The following H3C4 variants were observed in gnomAD, a reference collection of about 807,000 sequenced individuals.
H3C4 encodes the protein histone H3.1.
A neutral mutation model predicts 8.7 loss-of-function variants in H3C4; 10 were observed. The observed-to-expected ratio is 1.15, with a 90% CI of 0.71 to 1.96. The LOEUF (loss-of-function observed/expected upper bound fraction) is 1.96. Among genes scored for constraint, H3C4 ranks in the 30% most tolerant of loss-of-function variants. H3C4 has a pLI of 0.00. For missense variants in H3C4, 216 were observed against 192.9 expected (o/e 1.12, Z -0.71); for synonymous variants, 141 against 80.1 (o/e 1.76, Z -4.06).
chr6:26,199,003 G>A (rs775168348), upstream of H3C4: 12 of 1,614,162 alleles, frequency 7.4e-6, no homozygotes, highest in Non-Finnish European at 9.3e-6. Context: ...AGGTGTCGGG[G>A]GATGATGCGG....
At chr6:26,199,107 G>T (rs754630329), upstream of H3C4, 35 of 1,614,058 alleles carry the variant, frequency 2.2e-5, no homozygotes, top group Non-Finnish European at 3.0e-5. Flanking sequence ...TGGCGCGCCG[G>T]CCCCGACTCG....
upstream of H3C4, chr6:26,198,888 T>A: frequency 6.2e-7 from 1 of 1,614,246 alleles, no homozygotes; most frequent in Non-Finnish European, 8.5e-7. Flanking sequence ...CTCAGTCTTC[T>A]TGGGGAGCAG....
chr6:26,198,226 A>G (rs1765026705), upstream of H3C4, among the ~76,000 whole-genome samples: 1 of 152,232 alleles, frequency 6.6e-6, no homozygotes, highest in Non-Finnish European at 1.5e-5. Flanking sequence ...TCTCTCCTGT[A>G]TGTCTCAGGC....
At chr6:26,198,631 C>G (rs1189522823), upstream of H3C4, among the ~76,000 whole-genome samples, 1 of 152,176 alleles carries the variant, frequency 6.6e-6, no homozygotes, top group Non-Finnish European at 1.5e-5. Flanking sequence ...CGCGCCCCGC[C>G]AATTTGCTTA....
chr6:26,196,811 T>C lies in H3C4; in HGVS notation c.*29A>G. 1 of 1,611,910 alleles carries C rather than the reference T, an allele frequency of 6.2e-7. No homozygotes were observed. Among genetic ancestry groups the C allele is most frequent in the Non-Finnish European group, 8.5e-7 (1 of 1,179,190 alleles). On this transcript the variant is annotated 3_prime_UTR_variant, in exon 1 of 1. Transcript: ENST00000356476. The stretch of plus-strand genomic sequence containing the variant: ...GTTGGCTCTGAAAAGAGCCTTTGGG[T>C]TTTGGTTAGCACACATTCACAAGAC...
chr6:26,199,009 T>C (rs1409042178), upstream of H3C4: 3 of 1,614,164 alleles, frequency 1.9e-6, no homozygotes, highest in African/African-American at 1.3e-5. Context: ...CGGGGGATGA[T>C]GCGGGTCTTC....
chr6:26,196,993 C>G lies in H3C4; in HGVS notation c.258G>C (p.Gln86His). 1 of 1,614,234 alleles carries G rather than the reference C, an allele frequency of 6.2e-7. No individual in the cohort carries two copies. The highest frequency in any genetic ancestry group is 8.5e-7 in the Non-Finnish European group (1 of 1,180,034). The change falls in exon 1 of 1, where the codon CAG becomes CAC. Residue 86 changes from glutamine to histidine, a missense_variant. Gln to His is a conservative substitution (Grantham distance 24). Coordinates refer to ENST00000356476, the MANE Select transcript of H3C4 (RefSeq NM_001376937.1). ...CCTGCAGCGCCATCACCGCCGAGCT[C>G]TGAAAACGCAGATCAGTCTTGAAGT... ...AQDFKTDLRF[Q>H]SSAVMALQEA... is the part of the protein sequence containing the mutation.
upstream of H3C4, chr6:26,199,241 C>T (rs760518474): frequency 6.3e-7 from 1 of 1,593,242 alleles, no homozygotes; most frequent in Non-Finnish European, 8.5e-7. Context: ...CGCGTCCGGA[C>T]ATTTTGAATT....
At chr6:26,199,107 G>A (rs754630329), upstream of H3C4, 1 of 1,614,176 alleles carries the variant, frequency 6.2e-7, no homozygotes, top group Non-Finnish European at 8.5e-7. Flanking sequence ...TGGCGCGCCG[G>A]CCCCGACTCG....
chr6:26,198,484 A>C (rs1765034147), upstream of H3C4, among the ~76,000 whole-genome samples: 2 of 152,090 alleles, frequency 1.3e-5, no homozygotes, highest in Admixed American at 6.5e-5. Flanking sequence ...GGCGCGCGCC[A>C]CCACGCCCGA....
At chr6:26,199,098 G>T, upstream of H3C4, 5 of 1,614,174 alleles carry the variant, frequency 3.1e-6, no homozygotes, top group Non-Finnish European at 4.2e-6. Context: ...CAGATACACT[G>T]GCGCGCCGGC....
chr6:26,199,064 G>C (rs753906893), upstream of H3C4: 24 of 1,614,094 alleles, frequency 1.5e-5, no homozygotes, highest in South Asian at 2.4e-4. Context: ...GGATCTCGGC[G>C]GTCAGGTACT....
upstream of H3C4, among the ~76,000 whole-genome samples, chr6:26,197,862 G>T (rs751791242): frequency 7.4e-6 from 1 of 135,874 alleles, no homozygotes; most frequent in African/African-American, 2.8e-5. Flanking sequence ...AGTTCAACTG[G>T]TATTTGTGTA....
In H3C4 at chr6:26,197,224, G is replaced by A. The variant is rs777348456; in HGVS notation, c.27C>T (p.Arg9=). MARTKQTA[R]KSTGGKAPRK... ...GTGGCGCTTTCCCACCCGTGGACTT[G>A]CGAGCAGTCTGCTTGGTACGAGCCA... Residue 9 remains arginine, a synonymous_variant, in exon 1 of 1, where the codon CGC becomes CGT. Coordinates refer to ENST00000356476, the MANE Select transcript of H3C4 (RefSeq NM_001376937.1). 2.7e-5 allele frequency: 43 copies of A among 1,613,658 alleles called. No homozygotes were observed. Among genetic ancestry groups the A allele is most frequent in the Non-Finnish European group, 3.1e-5 (37 of 1,179,906 alleles).
chr6:26,197,325 C>T (rs1450989740), upstream of H3C4: 1 of 1,500,566 alleles, frequency 6.7e-7, no homozygotes, highest in African/African-American at 1.4e-5. Context: ...ATAAAGACAC[C>T]CCTGTTCTGA....
Position 26,197,268 on chromosome 6 carries a change from T to C in H3C4, c.-18A>G, listed in dbSNP as rs779923855. 11 of 1,592,608 alleles carry C rather than the reference T, an allele frequency of 6.9e-6. No homozygotes were observed. The highest frequency in any genetic ancestry group is 5.8e-5 in the Admixed American group (3 of 51,782). On this transcript the variant is annotated 5_prime_UTR_variant, in exon 1 of 1. Coordinates refer to ENST00000356476, the MANE Select transcript of H3C4 (RefSeq NM_001376937.1). ...CGAGCCATTGCGAACTTCTAAACCCTGCTAAATGACGAAAAAACGAAAGTC... is the reference window on the plus strand; with the variant it reads ...CGAGCCATTGCGAACTTCTAAACCCCGCTAAATGACGAAAAAACGAAAGTC...
upstream of H3C4, chr6:26,198,752 C>T (rs77463023): frequency 0.085 from 103,782 of 1,217,938 alleles, 4,986 homozygotes; most frequent in South Asian, 0.12. Context: ...TAGCTATTTA[C>T]ACAGAAAATG....
In H3C4 at chr6:26,196,859, A is replaced by G; in HGVS notation, c.392T>C (p.Ile131Thr). The G allele has an allele frequency of 6.2e-7, 1 of 1,614,210 alleles. No individual in the cohort carries two copies. The part of the protein sequence containing the change: ...MPKDIQLARR[I>T]RGERA ...GACAATTTACGCCCTCTCCCCACGAATGCGGCGAGCAAGCTGGATGTCCTT... is the reference window on the plus strand; with the variant it reads ...GACAATTTACGCCCTCTCCCCACGAGTGCGGCGAGCAAGCTGGATGTCCTT... Residue 131 changes from isoleucine to threonine, a missense_variant, in exon 1 of 1, where the codon ATT becomes ACT. By Grantham distance (89) the Ile-to-Thr change is moderately conservative (BLOSUM62 -1). Coordinates refer to ENST00000356476, the MANE Select transcript of H3C4 (RefSeq NM_001376937.1).
At chr6:26,198,465 G>T (rs1467082486), upstream of H3C4, among the ~76,000 whole-genome samples, 2 of 152,142 alleles carry the variant, frequency 1.3e-5, no homozygotes, top group African/African-American at 2.4e-5. Flanking sequence ...TTAAATAGCT[G>T]AAATTACAGG....
Sources: gnomAD v4.1 joint callset for allele counts (sites outside exome capture counted in the v4.1 genomes callset) on GRCh38, gnomAD v4.1.1 for gene constraint, MANE v1.5 for transcripts, NCBI Gene and HGNC (gene_info 2026-07-23, HGNC 2026-07-21) for gene names.